VPS13B: variants seen among roughly 807,000 people sequenced by gnomAD.
VPS13B encodes vacuolar protein sorting 13 homolog B, also known as intermembrane lipid transfer protein VPS13B.
VPS13B carries 285 observed loss-of-function variants against 426.4 expected under a neutral mutation model. That is an observed-to-expected ratio of 0.67 (90% CI 0.61 to 0.74). VPS13B has a LOEUF of 0.74. Ranked by LOEUF, VPS13B falls within the 30% of genes least tolerant of loss-of-function variation. The pLI is 0.00. For missense variants in VPS13B, 4,537 were observed against 4,782.6 expected (o/e 0.95, Z 1.51); for synonymous variants, 1,676 against 1,676.4 (o/e 1.00, Z 0.01).
At chr8:99,640,919 T>G (rs1409586839) in intron 33 of VPS13B, among the ~76,000 whole-genome samples, 1 of 152,198 alleles carries the variant, frequency 6.6e-6, no homozygotes, top group African/African-American at 2.4e-5. Context: ...TTTACTCTTA[T>G]GGATTTTTTA....
intron 51 of VPS13B, among the ~76,000 whole-genome samples, chr8:99,830,673 G>A (rs898837881): frequency 2.6e-5 from 4 of 152,124 alleles, no homozygotes; most frequent in Admixed American, 6.5e-5. Context: ...CAGCTAGCTC[G>A]GTATCTGCCC....
intron 30 of VPS13B, among the ~76,000 whole-genome samples, chr8:99,526,103 G>C (rs1421635141): frequency 6.6e-6 from 1 of 151,764 alleles, no homozygotes; most frequent in Non-Finnish European, 1.5e-5. Context: ...AGAAAGAAAT[G>C]GGGGGGTGGG....
At position 99,310,701 on chromosome 8, in the gene VPS13B, T is replaced by G. The variant is rs533316576; in HGVS notation, c.2824+35447T>G. Among the ~76,000 whole-genome samples the G allele has an allele frequency of 5.3e-5, 8 of 152,334 alleles. No individual in the cohort carries two copies. In the South Asian group the frequency reaches 1.7e-3, roughly 32 times the overall value. ...TGGTATCAGGATGATGCTGGCCTCA[T>G]AAAATGAGTTAGGGAGGATTCCCTC... On this transcript the variant is annotated intron_variant, in intron 19 of 61. Transcript: ENST00000357162.
chr8:99,689,216 C>T (rs1215433529), intron 35 of VPS13B, among the ~76,000 whole-genome samples: 1 of 151,970 alleles, frequency 6.6e-6, no homozygotes, highest in Non-Finnish European at 1.5e-5. Flanking sequence ...TTAAAATACT[C>T]ATCACAACTG....
chr8:99,717,574 G>GT (rs778552937), intron 37 of VPS13B, among the ~76,000 whole-genome samples: 4 of 152,030 alleles, frequency 2.6e-5, no homozygotes, highest in Admixed American at 1.3e-4. Context: ...CAATTCAGTG[G>GT]TTTTTTAGCA....
At chr8:99,090,540 A>T (rs1387098773) in intron 3 of VPS13B, among the ~76,000 whole-genome samples, 1 of 152,176 alleles carries the variant, frequency 6.6e-6, no homozygotes, top group African/African-American at 2.4e-5. Context: ...CTGGGATTAT[A>T]GGTGTGAGCC....
At chr8:99,753,522 T>C (rs1418925083) in intron 39 of VPS13B, among the ~76,000 whole-genome samples, 1 of 152,206 alleles carries the variant, frequency 6.6e-6, no homozygotes, top group East Asian at 1.9e-4. Context: ...AAGTTGCCCC[T>C]GCTCTAAGTT....
chr8:99,870,695 A>T, intron 59 of VPS13B, 90 bp from the exon 60 acceptor site: 1 of 1,205,860 alleles, frequency 8.3e-7, no homozygotes, highest in Non-Finnish European at 1.2e-6. Flanking sequence ...GTAACATTTT[A>T]TGGATGGCTC....
chr8:99,310,028 A>G (rs976328007), intron 19 of VPS13B, among the ~76,000 whole-genome samples: 4 of 152,202 alleles, frequency 2.6e-5, no homozygotes, highest in African/African-American at 9.7e-5. Flanking sequence ...TTGTACATTC[A>G]TTTTGTATCC....
chr8:99,655,871 A>G (rs1020972926), intron 34 of VPS13B, among the ~76,000 whole-genome samples: 5 of 152,240 alleles, frequency 3.3e-5, no homozygotes, highest in Non-Finnish European at 7.3e-5. Context: ...ATGTTTGCTA[A>G]GGGTTAAAAG....
intron 3 of VPS13B, among the ~76,000 whole-genome samples, chr8:99,071,491 C>T (rs911905601): frequency 2.6e-5 from 4 of 152,162 alleles, no homozygotes; most frequent in Non-Finnish European, 4.4e-5. Context: ...ATCCATGTGG[C>T]CACCACCACT....
intron 8 of VPS13B, among the ~76,000 whole-genome samples, chr8:99,128,538 A>G (rs1202180842): frequency 6.6e-6 from 1 of 150,828 alleles, no homozygotes; most frequent in Non-Finnish European, 1.5e-5. Flanking sequence ...CCACCTTTTC[A>G]TCTGCTTTTC....
At position 99,699,747 on chromosome 8, in the gene VPS13B, T is replaced by G; in HGVS notation, c.6269T>G (p.Val2090Gly). 1.2e-6 allele frequency: 2 copies of G among 1,613,970 alleles called. No individual in the cohort carries two copies. Among genetic ancestry groups the G allele is most frequent in the Non-Finnish European group, 1.7e-6 (2 of 1,179,966 alleles). The stretch of plus-strand genomic sequence containing the variant: ...AAACCCAAAATTCATGGTGATGGAG[T>G]GCAAAAGATTTCAGCTCAAGAAAAC... ...LSKPKIHGDG[V>G]QKISAQENMW... Residue 2090 changes from valine to glycine, a missense_variant, in exon 36 of 62, where the codon GTG becomes GGG. Around this residue, in one of 2 missense-constraint regions of VPS13B, gnomAD observed 4,311 missense variants for 4,474.3 expected, o/e 0.96. Coordinates refer to ENST00000357162, the MANE Select transcript of VPS13B (RefSeq NM_152564.5).
chr8:99,416,473 A>C (rs1816012618), intron 21 of VPS13B, among the ~76,000 whole-genome samples: 1 of 152,050 alleles, frequency 6.6e-6, no homozygotes, highest in Admixed American at 6.5e-5. Context: ...ATGAAAAAAA[A>C]ACTCCTGCAG....
chr8:99,056,716 AG>A (rs1453838858), intron 3 of VPS13B, among the ~76,000 whole-genome samples: 1 of 152,102 alleles, frequency 6.6e-6, no homozygotes, highest in African/African-American at 2.4e-5. Flanking sequence ...TGGAGGTGGC[AG>A]GGGGTGAAAT....
intron 8 of VPS13B, among the ~76,000 whole-genome samples, chr8:99,130,814 A>G (rs931544060): frequency 6.6e-6 from 1 of 152,206 alleles, no homozygotes; most frequent in African/African-American, 2.4e-5. Flanking sequence ...TAAAATAGCT[A>G]CATTGTATAT....
intron 35 of VPS13B, among the ~76,000 whole-genome samples, chr8:99,665,734 G>C (rs929933008): frequency 6.6e-6 from 1 of 152,170 alleles, no homozygotes; most frequent in African/African-American, 2.4e-5. Context: ...TTGTAGTATA[G>C]TTTGAAGTCA....
At chr8:99,753,889 G>A (rs1810513726) in intron 39 of VPS13B, among the ~76,000 whole-genome samples, 1 of 152,128 alleles carries the variant, frequency 6.6e-6, no homozygotes, top group Admixed American at 6.6e-5. Flanking sequence ...TACCAGTGGG[G>A]CATTACAGGT....
intron 21 of VPS13B, among the ~76,000 whole-genome samples, chr8:99,392,974 G>T (rs979251887): frequency 6.6e-6 from 1 of 151,866 alleles, no homozygotes; most frequent in Non-Finnish European, 1.5e-5. Context: ...AAGTTTAAGA[G>T]TTAGAGTTTA....
Sources: gnomAD v4.1 joint callset for allele counts (sites outside exome capture counted in the v4.1 genomes callset) on GRCh38, gnomAD v4.1.1 for gene constraint, gnomAD v4.1.1 regional missense constraint, MANE v1.5 for transcripts, NCBI Gene and HGNC (gene_info 2026-07-23, HGNC 2026-07-21) for gene names.